Variants in SNTG1 observed in about 807,000 individuals in gnomAD.
The protein encoded by SNTG1 is gamma-1-syntrophin.
In SNTG1, 39 loss-of-function variants were observed where a neutral mutation model predicts 74.7. The ratio of observed to expected loss-of-function variants is 0.52; its 90% confidence interval spans 0.40 to 0.68. The LOEUF is 0.68. Among genes scored for constraint, SNTG1 ranks in the 30% least tolerant of loss-of-function variants. The pLI, the probability that SNTG1 is intolerant of heterozygous loss-of-function variation, is 0.00. For missense variants in SNTG1, 685 were observed against 609.5 expected, an observed-to-expected ratio of 1.12 and a Z score of -1.30; for synonymous variants, 254 against 217.1, an observed-to-expected ratio of 1.17 and a Z score of -1.49.
rs58030144 is a variant in SNTG1, at chr8:50,395,506, G to GGTTTTTT, written c.27+1241_27+1242insGTTTTTT. Among the ~76,000 whole-genome samples, 29 of 135,664 alleles carry GGTTTTTT rather than the reference G, an allele frequency of 2.1e-4. 8 individuals carry two copies. Among genetic ancestry groups the GGTTTTTT allele is most frequent in the South Asian group, 4.5e-4 (2 of 4,410 alleles). 89.0% of individuals were successfully genotyped at this position (135,664 alleles called of 152,430 possible). ...TTTAAATTTTAATTGTCTAATTTCT[G>GGTTTTTT]TTTTTTTTTTTTTTTTTAATGGAGT... On this transcript the variant is annotated intron_variant, in intron 3 of 18. Coordinates refer to ENST00000642720, the MANE Select transcript of SNTG1 (RefSeq NM_018967.5).
chr8:50,311,511 G>C (rs2090112398), intron 2 of SNTG1, among the ~76,000 whole-genome samples: 1 of 152,166 alleles, frequency 6.6e-6, no homozygotes, highest in African/African-American at 2.4e-5. Flanking sequence ...TGTGTGCCTA[G>C]GGTTACGAAT....
intron 18 of SNTG1, chr8:50,762,841 C>T (rs1035262509): frequency 7.7e-6 from 3 of 387,218 alleles, no homozygotes; most frequent in African/African-American, 4.2e-5. Context: ...AAGGTTCCTG[C>T]TCCGAAGCCA....
chr8:50,778,793 A>C (rs1417598410), intron 18 of SNTG1, among the ~76,000 whole-genome samples: 1 of 151,018 alleles, frequency 6.6e-6, no homozygotes, highest in Non-Finnish European at 1.5e-5. Flanking sequence ...CTATGTCCTG[A>C]ATGGTAATGC....
At chr8:50,231,112 G>T (rs2085600488) in intron 2 of SNTG1, among the ~76,000 whole-genome samples, 1 of 151,292 alleles carries the variant, frequency 6.6e-6, no homozygotes, top group African/African-American at 2.4e-5. Flanking sequence ...GATACAAATA[G>T]CTAACAGATA....
chr8:50,186,490 A>G (rs1008661511), intron 2 of SNTG1, among the ~76,000 whole-genome samples: 2 of 152,164 alleles, frequency 1.3e-5, no homozygotes, highest in Non-Finnish European at 2.9e-5. Context: ...ATTCACACCA[A>G]CAGTGTAAAA....
chr8:50,540,396 G>A (rs116617422), intron 11 of SNTG1, among the ~76,000 whole-genome samples: 56 of 152,024 alleles, frequency 3.7e-4, no homozygotes, highest in African/African-American at 1.3e-3. Context: ...TATTTGTTGA[G>A]GCTTGATTTT....
intron 1 of SNTG1, among the ~76,000 whole-genome samples, chr8:50,043,601 G>A (rs759136322): frequency 2.1e-4 from 32 of 152,254 alleles, no homozygotes; most frequent in African/African-American, 2.4e-4. Context: ...CTGACTATGC[G>A]TTCCTGCAAT....
At chr8:50,738,920 G>T (rs2095535907) in intron 17 of SNTG1, among the ~76,000 whole-genome samples, 1 of 151,970 alleles carries the variant, frequency 6.6e-6, no homozygotes, top group African/African-American at 2.4e-5. Flanking sequence ...ACTCAAGATG[G>T]ATTAAAGACT....
In SNTG1 at chr8:50,763,893, AC is replaced by A. The variant is rs1563817589; in HGVS notation, c.1395+11783del. ...CACACACACACACACACACACACAC[AC>A]ACACACACACACAAAAATAACCAAG... On this transcript the variant is annotated intron_variant, in intron 18 of 18. Transcript: ENST00000642720. Among the ~76,000 whole-genome samples the A allele has an allele frequency of 3.8e-3, 441 of 117,274 alleles. 6 individuals carry two copies. Among genetic ancestry groups the A allele is most frequent in the African/African-American group, 0.017 (320 of 18,654 alleles). 76.9% of individuals were successfully genotyped at this position (117,274 alleles called of 152,430 possible). A position where few individuals can be genotyped will look rare whatever the true frequency, so the allele number is the denominator to read the frequency against.
chr8:50,304,565 C>A (rs57368926), intron 2 of SNTG1, among the ~76,000 whole-genome samples: 10,340 of 151,840 alleles, frequency 0.068, 812 homozygotes, highest in African/African-American at 0.17. Flanking sequence ...ATATGACAGG[C>A]AATACCAAAT....
At chr8:50,023,326 G>A (rs1816986574) in intron 1 of SNTG1, among the ~76,000 whole-genome samples, 1 of 152,106 alleles carries the variant, frequency 6.6e-6, no homozygotes, top group Admixed American at 6.6e-5. Context: ...GCCCAAGTTT[G>A]GGGAGACTCA....
At chr8:50,785,585 T>G (rs2095672347) in intron 18 of SNTG1, among the ~76,000 whole-genome samples, 1 of 152,008 alleles carries the variant, frequency 6.6e-6, no homozygotes, top group African/African-American at 2.4e-5. Flanking sequence ...ATGAACTCCA[T>G]TAAACAATGA....
intron 2 of SNTG1, among the ~76,000 whole-genome samples, chr8:50,210,474 G>A (rs1235673536): frequency 6.6e-6 from 1 of 152,220 alleles, no homozygotes; most frequent in Non-Finnish European, 1.5e-5. Context: ...AGGGCAGCCA[G>A]AGAGAAAGGT....
chr8:50,652,649 T>C (rs979896129), intron 13 of SNTG1, among the ~76,000 whole-genome samples: 6 of 151,976 alleles, frequency 3.9e-5, no homozygotes, highest in Non-Finnish European at 7.4e-5. Context: ...ATATAAAAAT[T>C]AGCCGGGGTT....
chr8:50,192,194 A>G (rs1488445277), intron 2 of SNTG1, among the ~76,000 whole-genome samples: 1 of 152,148 alleles, frequency 6.6e-6, no homozygotes, highest in Non-Finnish European at 1.5e-5. Flanking sequence ...TTTGTTTGTC[A>G]TATCTTTTTA....
intron 2 of SNTG1, among the ~76,000 whole-genome samples, chr8:50,300,217 A>C (rs1230059733): frequency 1.3e-5 from 2 of 152,164 alleles, no homozygotes; most frequent in Non-Finnish European, 2.9e-5. Flanking sequence ...GAGTATTACG[A>C]AACAGTTGTA....
intron 13 of SNTG1, among the ~76,000 whole-genome samples, chr8:50,616,436 G>T (rs2094885883): frequency 6.6e-6 from 1 of 152,152 alleles, no homozygotes; most frequent in South Asian, 2.1e-4. Flanking sequence ...AATGAACTGG[G>T]TTCTGAAAAT....
At chr8:50,040,672 A>G (rs1295714473) in intron 1 of SNTG1, among the ~76,000 whole-genome samples, 1 of 152,220 alleles carries the variant, frequency 6.6e-6, no homozygotes, top group Non-Finnish European at 1.5e-5. Flanking sequence ...GACATTTAAA[A>G]CCAAAGCAAA....
chr8:50,406,107 T>C (rs1169339372), intron 4 of SNTG1, among the ~76,000 whole-genome samples: 1 of 152,110 alleles, frequency 6.6e-6, no homozygotes, highest in Non-Finnish European at 1.5e-5. Context: ...TTTATAAGGA[T>C]CATGTTGAAT....
Sources: allele counts gnomAD v4.1 joint callset (sites outside exome capture counted in the v4.1 genomes callset), GRCh38; gene constraint gnomAD v4.1.1; transcripts MANE v1.5; gene names NCBI Gene and HGNC (gene_info 2026-07-23, HGNC 2026-07-21).